PRKAR2A: variants seen among roughly 807,000 people sequenced by gnomAD.
PRKAR2A encodes cAMP-dependent protein kinase type II-alpha regulatory subunit.
A neutral mutation model predicts 51.9 loss-of-function variants in PRKAR2A; 29 were observed. The ratio of observed to expected loss-of-function variants is 0.56; its 90% CI spans 0.42 to 0.76. The LOEUF (loss-of-function observed/expected upper bound fraction) is 0.76. PRKAR2A is among the 30% of genes least tolerant of loss of function. The pLI is 0.00. For synonymous variants in PRKAR2A, 178 were observed against 186.2 expected (o/e 0.96, Z 0.36); for missense variants, 445 against 512.1 (o/e 0.87, Z 1.26).
chr3:48,824,334 G>A (rs1259971632), intron 1 of PRKAR2A, among the ~76,000 whole-genome samples: 13 of 151,940 alleles, frequency 8.6e-5, no homozygotes, highest in Non-Finnish European at 5.9e-5. Flanking sequence ...GGCAGAGGTT[G>A]CAGTGAGCTG....
intron 5 of PRKAR2A, among the ~76,000 whole-genome samples, chr3:48,775,838 T>C (rs2107266264): frequency 6.6e-6 from 1 of 152,276 alleles, no homozygotes; most frequent in African/African-American, 2.4e-5. Context: ...CTGGGTGCAG[T>C]GGCTCACGCC....
At chr3:48,844,080 C>T (rs961024514) in intron 1 of PRKAR2A, among the ~76,000 whole-genome samples, 1 of 151,530 alleles carries the variant, frequency 6.6e-6, no homozygotes, top group African/African-American at 2.4e-5. Context: ...TTTTCGCAAC[C>T]TACTCATCTG....
chr3:48,798,468 C>T (rs1362200430), intron 2 of PRKAR2A, among the ~76,000 whole-genome samples: 5 of 152,056 alleles, frequency 3.3e-5, no homozygotes, highest in African/African-American at 9.7e-5. Flanking sequence ...CCAATGAATA[C>T]ATCAAATTCT....
At chr3:48,810,703 A>C (rs1231162122) in intron 1 of PRKAR2A, among the ~76,000 whole-genome samples, 1 of 152,204 alleles carries the variant, frequency 6.6e-6, no homozygotes, top group Non-Finnish European at 1.5e-5. Flanking sequence ...AAATACATAT[A>C]TATGTATATG....
At chr3:48,765,195 T>A in intron 7 of PRKAR2A, 53 bp downstream of exon 7, 1 of 1,557,644 alleles carries the variant, frequency 6.4e-7, no homozygotes, top group South Asian at 1.1e-5. Context: ...ACAGAATAGT[T>A]TTAAAAGCTT....
At chr3:48,836,138 G>A (rs754132035) in intron 1 of PRKAR2A, among the ~76,000 whole-genome samples, 4 of 151,878 alleles carry the variant, frequency 2.6e-5, no homozygotes, top group Admixed American at 1.3e-4. Flanking sequence ...TAAAGTACTC[G>A]GCCAGGCACG....
At chr3:48,844,546 A>G (rs1467161725) in intron 1 of PRKAR2A, among the ~76,000 whole-genome samples, 4 of 151,578 alleles carry the variant, frequency 2.6e-5, no homozygotes, top group African/African-American at 4.9e-5. Context: ...ACGTATGTTT[A>G]TTGCAGCACT....
At chr3:48,821,627 T>A (rs2082961868) in intron 1 of PRKAR2A, among the ~76,000 whole-genome samples, 2 of 152,288 alleles carry the variant, frequency 1.3e-5, no homozygotes. Flanking sequence ...CCCTTTTGAA[T>A]GGAAACAGGA....
intron 1 of PRKAR2A, among the ~76,000 whole-genome samples, chr3:48,831,286 A>C (rs894348945): frequency 1.3e-5 from 2 of 152,142 alleles, no homozygotes; most frequent in African/African-American, 4.8e-5. Flanking sequence ...CATTAATCAA[A>C]ACATCATTAT....
At chr3:48,790,076 A>C (rs1392165847) in intron 4 of PRKAR2A, among the ~76,000 whole-genome samples, 1 of 152,026 alleles carries the variant, frequency 6.6e-6, no homozygotes, top group Non-Finnish European at 1.5e-5. Flanking sequence ...AAGTAAAATA[A>C]GGGTTACGTG....
At chr3:48,816,227 T>C (rs773234196) in intron 1 of PRKAR2A, among the ~76,000 whole-genome samples, 30 of 152,038 alleles carry the variant, frequency 2.0e-4, no homozygotes, top group Non-Finnish European at 3.5e-4. Context: ...ATCCCTCCCC[T>C]AGAATCCTGT....
chr3:48,764,916 C>A, intron 8 of PRKAR2A, 88 bp downstream of exon 8: 2 of 1,211,014 alleles, frequency 1.7e-6, no homozygotes, highest in South Asian at 1.3e-5. Flanking sequence ...TGAGCCACTG[C>A]GTCCGGCAAG....
At chr3:48,809,617 A>C (rs926872452) in intron 1 of PRKAR2A, among the ~76,000 whole-genome samples, 2 of 150,438 alleles carry the variant, frequency 1.3e-5, no homozygotes, top group South Asian at 2.1e-4. Flanking sequence ...AAAAAAAAAA[A>C]AAAAAACTAT....
intron 1 of PRKAR2A, among the ~76,000 whole-genome samples, chr3:48,814,244 C>T (rs1055092169): frequency 2.6e-5 from 4 of 151,390 alleles, no homozygotes; most frequent in Non-Finnish European, 5.9e-5. Context: ...GAGAATCCGT[C>T]TCAAAAAGAT....
Position 48,773,016 on chromosome 3 carries a change from A to G in PRKAR2A, c.635T>C (p.Met212Thr). ...GGTAGCAGCTCTCGGGGTGTTGTAC[A>G]TCAGAGCTAGTTCTCCAAAACTGCC... ...NRGSFGELAL[M>T]YNTPRAATIV... is the part of the protein sequence containing the mutation. Residue 212 changes from methionine (M) to threonine (T), a missense_variant, in exon 6 of 11, where the codon ATG (methionine) becomes ACG (threonine). Met to Thr is a moderately conservative substitution (Grantham distance 81). Transcript: ENST00000265563. 5 of 1,614,016 alleles carry G rather than the reference A, an allele frequency of 3.1e-6. No individual in the cohort carries two copies. Among genetic ancestry groups the G allele is most frequent in the Non-Finnish European group, 4.2e-6 (5 of 1,179,912 alleles).
chr3:48,771,933 T>A (rs1474440006), intron 6 of PRKAR2A, among the ~76,000 whole-genome samples: 1 of 145,432 alleles, frequency 6.9e-6, no homozygotes, highest in Non-Finnish European at 1.5e-5. Context: ...TGTTCGTTCT[T>A]TTGTTTTGTT....
intron 8 of PRKAR2A, among the ~76,000 whole-genome samples, chr3:48,759,017 T>C (rs2081820815): frequency 6.6e-6 from 1 of 152,220 alleles, no homozygotes; most frequent in Non-Finnish European, 1.5e-5. Context: ...CTTTGGTCCA[T>C]TAAATTTTAC....
chr3:48,835,441 G>C (rs766108780), intron 1 of PRKAR2A, among the ~76,000 whole-genome samples: 1 of 151,800 alleles, frequency 6.6e-6, no homozygotes, highest in Admixed American at 6.6e-5. Context: ...GCAGATCGAG[G>C]CCATCCTGGC....
intron 5 of PRKAR2A, 79 bp downstream of exon 5, chr3:48,782,907 C>G (rs563215135): frequency 9.4e-7 from 1 of 1,059,406 alleles, no homozygotes; most frequent in South Asian, 1.3e-5. Flanking sequence ...GGGCTGAATA[C>G]AGAATAGGAT....
Sources: allele counts gnomAD v4.1 joint callset (sites outside exome capture counted in the v4.1 genomes callset), GRCh38; gene constraint gnomAD v4.1.1; transcripts MANE v1.5; gene names NCBI Gene and HGNC (gene_info 2026-07-23, HGNC 2026-07-21).